Variants in GRIN2A observed in about 807,000 individuals in gnomAD.
GRIN2A encodes glutamate receptor ionotropic, NMDA 2A.
Under a neutral mutation model 113.4 loss-of-function variants are expected in GRIN2A, and 22 were observed. The observed-to-expected ratio is 0.19, with a 90% CI of 0.14 to 0.28. The LOEUF (loss-of-function observed/expected upper bound fraction) is 0.28, where lower values mean the gene tolerates loss of function less well. GRIN2A is among the 10% of genes least tolerant of loss of function. GRIN2A has a pLI of 1.00. For missense variants in GRIN2A, 1,502 were observed against 1,887.0 expected (o/e 0.80, Z 3.78); for synonymous variants, 827 against 738.4 (o/e 1.12, Z -1.94).
chr16:9,809,921 A>G (rs1235081296), intron 10 of GRIN2A, among the ~76,000 whole-genome samples: 2 of 152,110 alleles, frequency 1.3e-5, no homozygotes, highest in Admixed American at 1.3e-4. Context: ...TACAAAAATT[A>G]GCTGGGCATG....
At chr16:10,104,646 G>A (rs1275316872) in intron 2 of GRIN2A, among the ~76,000 whole-genome samples, 1 of 152,122 alleles carries the variant, frequency 6.6e-6, no homozygotes, top group South Asian at 2.1e-4. Flanking sequence ...ATTCTCCAGG[G>A]TGCGCACATG....
At chr16:9,862,486 G>A (rs2043088034) in intron 4 of GRIN2A, among the ~76,000 whole-genome samples, 1 of 152,090 alleles carries the variant, frequency 6.6e-6, no homozygotes, top group African/African-American at 2.4e-5. Flanking sequence ...CTCCTCTTGA[G>A]GCTCAGCCAA....
chr16:9,943,492 TG>T (rs1241415971), intron 2 of GRIN2A, among the ~76,000 whole-genome samples: 1 of 152,182 alleles, frequency 6.6e-6, no homozygotes, highest in African/African-American at 2.4e-5. Flanking sequence ...CCTGACTCCA[TG>T]GGTACCAAAG....
chr16:10,039,297 G>A (rs2047097458), intron 2 of GRIN2A, among the ~76,000 whole-genome samples: 1 of 152,162 alleles, frequency 6.6e-6, no homozygotes, highest in South Asian at 2.1e-4. Flanking sequence ...ACGACTCAAA[G>A]GCGAATGCGA....
chr16:9,908,095 G>A (rs2044063615), intron 3 of GRIN2A, among the ~76,000 whole-genome samples: 1 of 152,172 alleles, frequency 6.6e-6, no homozygotes, highest in South Asian at 2.1e-4. Flanking sequence ...ACTGTATTCT[G>A]GCCTAAATAG....
chr16:9,877,428 C>T (rs1169611503), intron 4 of GRIN2A, among the ~76,000 whole-genome samples: 1 of 152,148 alleles, frequency 6.6e-6, no homozygotes, highest in South Asian at 2.1e-4. Flanking sequence ...TCAGATGAAG[C>T]TTTGCCATCT....
intron 2 of GRIN2A, among the ~76,000 whole-genome samples, chr16:9,958,443 C>G (rs1413247661): frequency 6.6e-6 from 1 of 152,152 alleles, no homozygotes. Flanking sequence ...CACACACACA[C>G]AGGTTCAACC....
intron 2 of GRIN2A, among the ~76,000 whole-genome samples, chr16:10,146,633 T>G (rs2049445576): frequency 6.6e-6 from 1 of 152,060 alleles, no homozygotes; most frequent in Non-Finnish European, 1.5e-5. Context: ...ATTAATATTA[T>G]TATTGTTATG....
intron 4 of GRIN2A, among the ~76,000 whole-genome samples, chr16:9,875,717 A>G (rs2043351446): frequency 6.6e-6 from 1 of 152,224 alleles, no homozygotes; most frequent in East Asian, 1.9e-4. Context: ...TGTGAAATAA[A>G]GAAAAATAAT....
chr16:10,004,548 G>A (rs2046373689), intron 2 of GRIN2A, among the ~76,000 whole-genome samples: 1 of 152,170 alleles, frequency 6.6e-6, no homozygotes, highest in South Asian at 2.1e-4. Flanking sequence ...GTCAGCAGGG[G>A]TGTATTCTCT....
At chr16:10,008,075 G>A (rs1025400209) in intron 2 of GRIN2A, among the ~76,000 whole-genome samples, 1 of 152,118 alleles carries the variant, frequency 6.6e-6, no homozygotes, top group Admixed American at 6.5e-5. Context: ...CTATGAACAT[G>A]AGCTGAACTT....
Position 9,798,413 on chromosome 16 carries a change from C to T in GRIN2A, c.2220G>A (p.Gly740=). The change falls in exon 11 of 13, where the codon GGG becomes GGA. Residue 740 remains glycine (G), a synonymous_variant. Coordinates refer to ENST00000330684, the MANE Select transcript of GRIN2A (RefSeq NM_001134407.3). ...YDAAVLNYKA[G]RDEGCKLVTI... is the part of the protein sequence containing the mutation. The stretch of plus-strand genomic sequence containing the variant: ...TCACCAGCTTGCAGCCTTCATCCCT[C>T]CCAGCCTTGTAATTCAAGACTGCGG... 6.2e-7 allele frequency: 1 copy of T among 1,614,104 alleles called. No homozygotes were observed. Among genetic ancestry groups the T allele is most frequent in the Admixed American group, 1.7e-5 (1 of 60,026 alleles).
chr16:10,102,203 G>A (rs1377615242), intron 2 of GRIN2A, among the ~76,000 whole-genome samples: 19 of 152,260 alleles, frequency 1.2e-4, no homozygotes, highest in South Asian at 2.1e-4. Flanking sequence ...GGTAGGGCCT[G>A]GCGGGAGGCC....
chr16:9,764,040 G>T lies in GRIN2A; in HGVS notation c.3504C>A (p.Asn1168Lys). The T allele has an allele frequency of 6.2e-7, 1 of 1,614,020 alleles. No individual in the cohort carries two copies. Among genetic ancestry groups the T allele is most frequent in the Non-Finnish European group, 8.5e-7 (1 of 1,179,888 alleles). ...CCTCTTCATTATGCAAGGGGTTCCGGTTCATTGGCAGCGTGGAGTCCCCCT... is the reference window on the plus strand; with the variant it reads ...CCTCTTCATTATGCAAGGGGTTCCGTTTCATTGGCAGCGTGGAGTCCCCCT... ...FRKGDSTLPM[N>K]RNPLHNEEGL... The change falls in exon 13 of 13, where the codon AAC becomes AAA. Residue 1168 changes from asparagine to lysine, a missense_variant. By Grantham distance (94) the Asn-to-Lys change is moderately conservative. Coordinates refer to ENST00000330684, the MANE Select transcript of GRIN2A (RefSeq NM_001134407.3).
chr16:10,070,879 TG>T (rs1467957486), intron 2 of GRIN2A, among the ~76,000 whole-genome samples: 2 of 152,340 alleles, frequency 1.3e-5, no homozygotes, highest in East Asian at 3.9e-4. Context: ...ATGGGTACTT[TG>T]CCCTCTAAGA....
chr16:10,115,679 C>T lies in GRIN2A; in HGVS notation c.414+64319G>A, dbSNP rs72776019. On this transcript the variant is annotated intron_variant, in intron 2 of 12. Transcript: ENST00000330684. ...TATTCCTGAGACCCAACTTGGCTTC[C>T]GCAACTGTATTCTCAAGCTGAAAAC... Among the ~76,000 whole-genome samples, 286 of 152,296 alleles carry T rather than the reference C, an allele frequency of 1.9e-3. 2 individuals are homozygous for T. The highest frequency in any genetic ancestry group is 3.5e-3 in the South Asian group (17 of 4,822).
At chr16:10,029,869 T>G (rs188636552) in intron 2 of GRIN2A, among the ~76,000 whole-genome samples, 249 of 152,166 alleles carry the variant, frequency 1.6e-3, no homozygotes, top group African/African-American at 5.4e-3. Context: ...TGGTGCTGCA[T>G]GCCTGTAATC....
chr16:9,856,139 A>G (rs2042963168), intron 4 of GRIN2A, among the ~76,000 whole-genome samples: 1 of 152,186 alleles, frequency 6.6e-6, no homozygotes, highest in African/African-American at 2.4e-5. Flanking sequence ...ATAGATAACT[A>G]TAATTATCCT....
At chr16:10,125,262 T>A (rs1439357939) in intron 2 of GRIN2A, among the ~76,000 whole-genome samples, 2 of 152,214 alleles carry the variant, frequency 1.3e-5, no homozygotes, top group Non-Finnish European at 2.9e-5. Context: ...TCTTTGACCC[T>A]GGTGACACAA....
Sources: allele counts gnomAD v4.1 joint callset (sites outside exome capture counted in the v4.1 genomes callset), GRCh38; gene constraint gnomAD v4.1.1; transcripts MANE v1.5; gene names NCBI Gene and HGNC (gene_info 2026-07-23, HGNC 2026-07-21).